The following RIMS1 variants were observed in gnomAD, a reference collection of about 807,000 sequenced individuals.
RIMS1 encodes the protein regulating synaptic membrane exocytosis 1.
In RIMS1, 83 loss-of-function variants were observed where a neutral mutation model predicts 214.1. The observed-to-expected ratio is 0.39, with a 90% CI of 0.32 to 0.47. RIMS1 has a LOEUF of 0.47. Ranked by LOEUF, RIMS1 falls within the 20% of genes least tolerant of loss-of-function variation. The pLI, the probability that RIMS1 is intolerant of heterozygous loss-of-function variation, is 0.99. For missense variants in RIMS1, 2,050 were observed against 2,161.8 expected, an observed-to-expected ratio of 0.95 and a Z score of 1.03; for synonymous variants, 793 against 786.8, an observed-to-expected ratio of 1.01 and a Z score of -0.13.
At chr6:72,261,196 T>A (rs1206172226) in intron 19 of RIMS1, 1 of 1,015,606 alleles carries the variant, frequency 9.8e-7, no homozygotes, top group Non-Finnish European at 1.2e-6. Context: ...TTAATTTCCT[T>A]TTAGAATTTA....
intron 6 of RIMS1, among the ~76,000 whole-genome samples, chr6:72,207,323 C>T (rs904929192): frequency 1.3e-5 from 2 of 152,150 alleles, no homozygotes; most frequent in African/African-American, 2.4e-5. Flanking sequence ...GTGAGACATA[C>T]GCTCCTGTGT....
At chr6:72,009,177 A>G (rs1305278660) in intron 2 of RIMS1, among the ~76,000 whole-genome samples, 3 of 152,202 alleles carry the variant, frequency 2.0e-5, no homozygotes, top group Non-Finnish European at 2.9e-5. Flanking sequence ...AACTCACTCA[A>G]AACAGCTCAA....
chr6:71,980,684 G>A lies in RIMS1; in HGVS notation c.245+11621G>A, dbSNP rs148889838. Among the ~76,000 whole-genome samples the A allele has an allele frequency of 2.2e-3, 328 of 152,098 alleles. 1 individual carries two copies. The highest frequency in any genetic ancestry group is 7.4e-3 in the African/African-American group (308 of 41,486). On this transcript the variant is annotated intron_variant, in intron 2 of 33. Transcript: ENST00000521978. ...AATATGCATGATGGATGAGCGTACG[G>A]CATTCCTGGAGAAAAAGGGACCAAT...
chr6:72,385,066 T>C (rs2154429421), intron 29 of RIMS1, among the ~76,000 whole-genome samples: 1 of 152,350 alleles, frequency 6.6e-6, no homozygotes, highest in African/African-American at 2.4e-5. Context: ...TAATTTTTCA[T>C]GTGACTAGAG....
chr6:72,329,642 CAA>C (rs146597010), intron 28 of RIMS1, among the ~76,000 whole-genome samples: 8,992 of 151,492 alleles, frequency 0.059, 432 homozygotes, highest in East Asian at 0.27. Context: ...TGTAGAGAGT[CAA>C]ATGACCCTTA....
Position 72,325,912 on chromosome 6 carries a change from C to A in RIMS1, c.4131-7688C>A, listed in dbSNP as rs1423724329. On this transcript the variant is annotated intron_variant, in intron 28 of 33. Coordinates refer to ENST00000521978, the MANE Select transcript of RIMS1 (RefSeq NM_014989.7). ...GCCACCTTGATTATTAATCACCAGT[C>A]CCTGTGTTATGACCACTGAAAATTA... 9.2e-5 allele frequency among the ~76,000 whole-genome samples: 14 copies of A among 151,724 alleles called. No homozygotes were observed. The South Asian group carries it at 2.9e-3, about 32-fold the overall frequency.
At chr6:72,361,096 C>CT (rs70994124) in intron 29 of RIMS1, among the ~76,000 whole-genome samples, 923 of 54,464 alleles carry the variant, frequency 0.017, 117 homozygotes, top group Non-Finnish European at 0.021. Context: ...GTCTTTCTTT[C>CT]TTTTTTTTTT....
intron 2 of RIMS1, among the ~76,000 whole-genome samples, chr6:72,021,793 C>A (rs1269962486): frequency 6.6e-6 from 1 of 152,050 alleles, no homozygotes; most frequent in African/African-American, 2.4e-5. Flanking sequence ...CTCATGGTCC[C>A]AAGTGGCTGC....
At chr6:71,955,998 G>C (rs149078714) in intron 1 of RIMS1, among the ~76,000 whole-genome samples, 12 of 152,112 alleles carry the variant, frequency 7.9e-5, no homozygotes, top group African/African-American at 2.9e-4. Flanking sequence ...GGAAAAGGTA[G>C]AAAAGTTTTT....
chr6:71,999,422 AAAAT>A (rs1158525574), intron 2 of RIMS1, among the ~76,000 whole-genome samples: 10 of 152,154 alleles, frequency 6.6e-5, no homozygotes. Flanking sequence ...GATGAACAAA[AAAAT>A]ACACAAAGAT....
chr6:72,212,111 AC>A (rs2053923931), intron 6 of RIMS1, among the ~76,000 whole-genome samples: 2 of 152,088 alleles, frequency 1.3e-5, no homozygotes, highest in South Asian at 4.1e-4. Context: ...AACAATAATA[AC>A]TACCTGCAGG....
intron 4 of RIMS1, among the ~76,000 whole-genome samples, chr6:72,148,971 C>T (rs2153897387): frequency 1.3e-5 from 2 of 151,918 alleles, no homozygotes; most frequent in African/African-American, 4.8e-5. Flanking sequence ...GGGAACCTGC[C>T]CTAGTAAGAT....
At chr6:72,147,235 CT>C (rs2042878584) in intron 4 of RIMS1, among the ~76,000 whole-genome samples, 2 of 152,030 alleles carry the variant, frequency 1.3e-5, no homozygotes, top group Non-Finnish European at 2.9e-5. Flanking sequence ...ATTTATTTTT[CT>C]TTAGTCAATT....
In RIMS1 at chr6:71,897,157, C is replaced by G. The variant is rs150488166; in HGVS notation, c.164+9970C>G. Among the ~76,000 whole-genome samples, 802 of 152,242 alleles carry G rather than the reference C, an allele frequency of 5.3e-3. 3 individuals are homozygous for G. Among genetic ancestry groups the G allele is most frequent in the African/African-American group, 0.018 (761 of 41,550 alleles). On this transcript the variant is annotated intron_variant, in intron 1 of 33. Coordinates refer to ENST00000521978, the MANE Select transcript of RIMS1 (RefSeq NM_014989.7). The stretch of plus-strand genomic sequence containing the variant: ...CATCATCAAATCCTACAGATTTAAT[C>G]TTTTGGAATCTTTTAAATGTCTGTC...
chr6:71,898,518 G>A (rs1283127471), intron 1 of RIMS1, among the ~76,000 whole-genome samples: 1 of 152,092 alleles, frequency 6.6e-6, no homozygotes, highest in Non-Finnish European at 1.5e-5. Context: ...CAACAGCACT[G>A]ACTTTTGCAT....
At chr6:72,305,177 A>G (rs1391749943) in intron 26 of RIMS1, among the ~76,000 whole-genome samples, 1 of 152,020 alleles carries the variant, frequency 6.6e-6, no homozygotes, top group Non-Finnish European at 1.5e-5. Flanking sequence ...TAATGTTTAG[A>G]GAAATGAAGT....
chr6:71,961,932 A>G (rs1307241468), intron 1 of RIMS1, among the ~76,000 whole-genome samples: 1 of 152,136 alleles, frequency 6.6e-6, no homozygotes, highest in Non-Finnish European at 1.5e-5. Context: ...ATATGTAGGG[A>G]ATGATGGCAG....
At position 71,998,495 on chromosome 6, in the gene RIMS1, C is replaced by A. The variant is rs370397351; in HGVS notation, c.245+29432C>A. Among the ~76,000 whole-genome samples, 8 of 152,168 alleles carry A rather than the reference C, an allele frequency of 5.3e-5. No individual in the cohort carries two copies. In the East Asian group the frequency reaches 1.5e-3, roughly 29 times the overall value. On this transcript the variant is annotated intron_variant, in intron 2 of 33. Transcript: ENST00000521978. ...CATGTCTCCTCCATTAGAATGTAAA[C>A]TCCAAGAGAACAGGGAACTTTAATC...
intron 4 of RIMS1, among the ~76,000 whole-genome samples, chr6:72,106,200 C>A (rs2034707516): frequency 6.6e-6 from 1 of 151,936 alleles, no homozygotes; most frequent in African/African-American, 2.4e-5. Flanking sequence ...GAAAGTAATC[C>A]TTTTGAATCA....
Sources: gnomAD v4.1 joint callset for allele counts (sites outside exome capture counted in the v4.1 genomes callset) on GRCh38, gnomAD v4.1.1 for gene constraint, MANE v1.5 for transcripts, NCBI Gene and HGNC (gene_info 2026-07-23, HGNC 2026-07-21) for gene names.